Variants in CSMD2 observed in about 807,000 individuals in gnomAD.
CSMD2 encodes CUB and sushi domain-containing protein 2.
In CSMD2, 130 loss-of-function variants were observed where a neutral mutation model predicts 398.5. The observed-to-expected ratio is 0.33, with a 90% CI of 0.28 to 0.38. The LOEUF (loss-of-function observed/expected upper bound fraction) is 0.38, where lower values mean the gene tolerates loss of function less well. CSMD2 is among the 10% of genes least tolerant of loss of function. The pLI is 1.00. For missense variants in CSMD2, 3,829 were observed against 4,764.9 expected, an observed-to-expected ratio of 0.80 and a Z score of 5.78; for synonymous variants, 1,828 against 1,908.5, an observed-to-expected ratio of 0.96 and a Z score of 1.10.
intron 5 of CSMD2, among the ~76,000 whole-genome samples, chr1:33,848,455 GC>G (rs1280402832): frequency 2.0e-5 from 3 of 152,168 alleles, no homozygotes; most frequent in African/African-American, 7.2e-5. Context: ...CCAACTGGAA[GC>G]CAGAGAGCAA....
At chr1:34,105,145 A>G (rs540424663) in intron 1 of CSMD2, among the ~76,000 whole-genome samples, 4 of 152,086 alleles carry the variant, frequency 2.6e-5, no homozygotes, top group Non-Finnish European at 5.9e-5. Flanking sequence ...TTTTTTTACT[A>G]CAGATCTTAA....
chr1:33,811,751 C>A (rs559199598), intron 9 of CSMD2, among the ~76,000 whole-genome samples: 178 of 152,270 alleles, frequency 1.2e-3, no homozygotes, highest in Admixed American at 2.5e-3. Context: ...TAGGTATTTG[C>A]TTTCTTTAAA....
chr1:33,707,687 G>A (rs960449456), intron 22 of CSMD2, among the ~76,000 whole-genome samples: 30 of 42,542 alleles, frequency 7.1e-4, no homozygotes, highest in Non-Finnish European at 9.8e-4. Context: ...GTGCACACGC[G>A]CGCGCGCGCA....
intron 15 of CSMD2, among the ~76,000 whole-genome samples, chr1:33,731,443 T>C (rs1004932697): frequency 6.6e-6 from 1 of 152,078 alleles, no homozygotes; most frequent in South Asian, 2.1e-4. Flanking sequence ...ATATTCTCGC[T>C]AAAAAAATGG....
At chr1:33,705,675 T>C (rs1346186065) in intron 22 of CSMD2, among the ~76,000 whole-genome samples, 1 of 152,066 alleles carries the variant, frequency 6.6e-6, no homozygotes, top group African/African-American at 2.4e-5. Flanking sequence ...TAGTACTTTT[T>C]ATCTATAAAA....
chr1:34,137,049 T>C (rs968881516), intron 1 of CSMD2, among the ~76,000 whole-genome samples: 10 of 152,218 alleles, frequency 6.6e-5, no homozygotes, highest in East Asian at 3.9e-4. Context: ...CATCCATGCA[T>C]TTATCCATCC....
intron 25 of CSMD2, among the ~76,000 whole-genome samples, chr1:33,684,508 A>G (rs1645003862): frequency 6.6e-6 from 1 of 152,002 alleles, no homozygotes; most frequent in African/African-American, 2.4e-5. Context: ...AACCCGAACC[A>G]CATTTGCGCA....
intron 6 of CSMD2, among the ~76,000 whole-genome samples, chr1:33,846,386 A>G (rs1661357206): frequency 6.6e-6 from 1 of 152,224 alleles, no homozygotes; most frequent in Non-Finnish European, 1.5e-5. Context: ...AAAATGAAAA[A>G]GAGTAGAAAT....
chr1:33,837,179 A>G (rs1365210948), intron 6 of CSMD2, among the ~76,000 whole-genome samples: 1 of 152,130 alleles, frequency 6.6e-6, no homozygotes, highest in Non-Finnish European at 1.5e-5. Flanking sequence ...ACCATGGGAA[A>G]TCAGCCATGA....
At chr1:33,720,642 A>C (rs1202820827) in intron 19 of CSMD2, among the ~76,000 whole-genome samples, 1 of 152,250 alleles carries the variant, frequency 6.6e-6, no homozygotes, top group African/African-American at 2.4e-5. Context: ...TAGAGGGCTC[A>C]GAATGAGGCT....
At chr1:33,823,559 G>T (rs1171444646) in intron 7 of CSMD2, among the ~76,000 whole-genome samples, 1 of 152,118 alleles carries the variant, frequency 6.6e-6, no homozygotes, top group East Asian at 1.9e-4. Context: ...TGCTCAGGAA[G>T]GCACCACCTT....
intron 1 of CSMD2, among the ~76,000 whole-genome samples, chr1:34,155,781 T>A (rs1479017323): frequency 6.6e-6 from 1 of 152,196 alleles, no homozygotes; most frequent in East Asian, 1.9e-4. Flanking sequence ...ACTAGAAACT[T>A]TTTTGGTCTT....
At chr1:33,527,473 T>C (rs920092474) in intron 64 of CSMD2, among the ~76,000 whole-genome samples, 1 of 152,192 alleles carries the variant, frequency 6.6e-6, no homozygotes, top group Non-Finnish European at 1.5e-5. Context: ...ACAGAGGAAG[T>C]CCATTTTATT....
At chr1:33,805,331 T>C (rs904060962) in intron 10 of CSMD2, among the ~76,000 whole-genome samples, 1 of 152,220 alleles carries the variant, frequency 6.6e-6, no homozygotes, top group African/African-American at 2.4e-5. Flanking sequence ...GTGGCTGAAG[T>C]GTCCTTTCCC....
intron 5 of CSMD2, chr1:33,864,888 G>C (rs897862279): frequency 1.5e-6 from 1 of 660,452 alleles, no homozygotes; most frequent in East Asian, 2.9e-5. Context: ...TGATCCTGAG[G>C]AGGGGAACGG....
chr1:33,817,036 T>C (rs1337507842), intron 9 of CSMD2, among the ~76,000 whole-genome samples: 4 of 152,206 alleles, frequency 2.6e-5, no homozygotes, highest in Non-Finnish European at 5.9e-5. Context: ...GTTTTGTTCG[T>C]TTTCATTCTT....
chr1:33,604,763 G>A (rs1640470683), intron 42 of CSMD2, among the ~76,000 whole-genome samples: 1 of 152,196 alleles, frequency 6.6e-6, no homozygotes, highest in East Asian at 1.9e-4. Context: ...CCAAGAAAGT[G>A]CCACCTCCAG....
chr1:33,843,885 G>A (rs1661104647), intron 6 of CSMD2, among the ~76,000 whole-genome samples: 2 of 152,098 alleles, frequency 1.3e-5, no homozygotes, highest in South Asian at 4.1e-4. Context: ...TCTGCCAAGG[G>A]GCAGACCTCT....
At chr1:33,529,825 C>G (rs891925652) in intron 64 of CSMD2, among the ~76,000 whole-genome samples, 7 of 152,072 alleles carry the variant, frequency 4.6e-5, no homozygotes, top group Non-Finnish European at 1.0e-4. Flanking sequence ...AGAACACCAA[C>G]AAGAGAGCGA....
Sources: allele counts gnomAD v4.1 joint callset (sites outside exome capture counted in the v4.1 genomes callset), GRCh38; gene constraint gnomAD v4.1.1; transcripts MANE v1.5; gene names NCBI Gene and HGNC (gene_info 2026-07-23, HGNC 2026-07-21).